SMARCD3: variants seen among roughly 807,000 people sequenced by gnomAD.
SMARCD3 encodes the protein SWI/SNF-related matrix-associated actin-dependent regulator of chromatin subfamily D member 3.
Under a neutral mutation model 58.0 loss-of-function variants are expected in SMARCD3, and 14 were observed. The ratio of observed to expected loss-of-function variants is 0.24; its 90% CI spans 0.16 to 0.38. The LOEUF (loss-of-function observed/expected upper bound fraction) is 0.38. Among genes scored for constraint, SMARCD3 ranks in the 10% least tolerant of loss-of-function variants. SMARCD3 has a pLI of 1.00. For missense variants in SMARCD3, 408 were observed against 636.9 expected (o/e 0.64, Z 3.87); for synonymous variants, 253 against 253.8 (o/e 1.00, Z 0.03).
rs535241045 is a variant in SMARCD3, at chr7:151,275,433, C to T, written c.-99-182G>A. Among the ~76,000 whole-genome samples, 15 of 152,174 alleles carry T rather than the reference C, an allele frequency of 9.9e-5. No individual in the cohort carries two copies. In the South Asian group the frequency reaches 2.7e-3, roughly 27 times the overall value. ...GGGGCTGGGGTGGCACAAGGCAGGG[C>T]GCAGGTGGGAGCAGTATGTGTGGGA... is the stretch of plus-strand genomic sequence containing the variant. On this transcript the variant is annotated intron_variant, in intron 1 of 13. Transcript: ENST00000356800.
chr7:151,276,827 G>GA (rs1795360205), upstream of SMARCD3: 1 of 127,782 alleles, frequency 7.8e-6, no homozygotes, highest in Non-Finnish European at 1.7e-5. Context: ...GCCTGGCAGT[G>GA]GGAGAAGGGA....
intron 2 of SMARCD3, among the ~76,000 whole-genome samples, chr7:151,265,511 C>G (rs530906802): frequency 2.0e-5 from 3 of 152,320 alleles, no homozygotes; most frequent in South Asian, 4.1e-4. Context: ...GACCCAACAC[C>G]CCCACAGCTC....
Position 151,242,543 on chromosome 7 carries a change from C to G in SMARCD3, c.517G>C (p.Glu173Gln), listed in dbSNP as rs747964769. 6.2e-6 allele frequency: 10 copies of G among 1,614,174 alleles called. No individual in the cohort carries two copies. The highest frequency in any genetic ancestry group is 8.5e-6 in the Non-Finnish European group (10 of 1,180,020). The change falls in exon 5 of 13, where the codon GAG becomes CAG. Residue 173 changes from glutamate to glutamine, a missense_variant. Glu to Gln is a conservative substitution (Grantham distance 29, BLOSUM62 2). Transcript: ENST00000262188. The surrounding 1 kb of genome is among the most constrained non-coding windows in gnomAD (Gnocchi z 4.7). ...GAGGCAATGCTGCCGTCGGAATCCT[C>G]AGCATCAGGCTTCGCAGGGTTAAAA... ...NTFNPAKPDA[E>Q]DSDGSIASWE...
chr7:151,244,771 C>A (rs1437092949), intron 2 of SMARCD3, among the ~76,000 whole-genome samples: 1 of 152,036 alleles, frequency 6.6e-6, no homozygotes, highest in Non-Finnish European at 1.5e-5. Flanking sequence ...ATCTGTTGTG[C>A]AAAAAAAGCA....
At chr7:151,263,143 G>C (rs1803970565) in intron 2 of SMARCD3, among the ~76,000 whole-genome samples, 1 of 152,218 alleles carries the variant, frequency 6.6e-6, no homozygotes, top group African/African-American at 2.4e-5. Context: ...AGTAGGGGTA[G>C]AGCTGGGATT....
rs147089974 is a variant in SMARCD3, at chr7:151,246,343, G to A, written c.79-672C>T. Among the ~76,000 whole-genome samples the A allele has an allele frequency of 2.8e-4, 43 of 152,230 alleles. No individual in the cohort carries two copies. In the East Asian group the frequency reaches 3.7e-3, roughly 13 times the overall value. ...TTGGGTCCCAAACCCCACTCCCCTC[G>A]GCTGACTCCAAGTCCCCACATCCAG... On this transcript the variant is annotated intron_variant, in intron 1 of 12. Transcript: ENST00000262188. The surrounding 1 kb of genome is among the most constrained non-coding windows in gnomAD (Gnocchi z 4.4).
chr7:151,264,124 C>A (rs986932038), intron 2 of SMARCD3, among the ~76,000 whole-genome samples: 13 of 149,200 alleles, frequency 8.7e-5, no homozygotes, highest in Non-Finnish European at 1.3e-4. Flanking sequence ...AGTGGCGTGA[C>A]CTTGGCTCAC....
upstream of SMARCD3, among the ~76,000 whole-genome samples, chr7:151,250,992 A>T (rs73169672): frequency 0.076 from 11,591 of 152,264 alleles, 588 homozygotes; most frequent in Non-Finnish European, 0.11. Context: ...GGGGTTGGAG[A>T]TAGACACCCC....
upstream of SMARCD3, among the ~76,000 whole-genome samples, chr7:151,251,482 G>A (rs1456664728): frequency 6.6e-6 from 1 of 152,188 alleles, no homozygotes. Context: ...GGCGACAGGA[G>A]GAGCCTTCAG....
At position 151,242,919 on chromosome 7, in the gene SMARCD3, A is replaced by C. The variant is rs1803071968; in HGVS notation, c.334-76T>G. The C allele has an allele frequency of 6.4e-7, 1 of 1,555,518 alleles. No homozygotes were observed. The highest frequency in any genetic ancestry group is 1.4e-5 in the African/African-American group (1 of 73,026). ...ACCATGGAATGTATGCATGTTGTGC[A>C]ATCCTAGGGTACAAAAGATGTCAGG... is the stretch of plus-strand genomic sequence containing the variant. On this transcript the variant is annotated intron_variant, in intron 3 of 12. Coordinates refer to ENST00000262188, the MANE Select transcript of SMARCD3 (RefSeq NM_001003801.2). This position sits in a 1 kb window ranked among gnomAD's most constrained non-coding sequence, Gnocchi z 4.7.
At chr7:151,265,019 C>A (rs181409353) in intron 2 of SMARCD3, among the ~76,000 whole-genome samples, 45 of 152,294 alleles carry the variant, frequency 3.0e-4, no homozygotes, top group Middle Eastern at 3.4e-3. Context: ...TGCCTGTCAG[C>A]TCCCTGAGGC....
chr7:151,260,671 AC>A (rs1803888667), intron 2 of SMARCD3, among the ~76,000 whole-genome samples: 1 of 152,128 alleles, frequency 6.6e-6, no homozygotes, highest in Non-Finnish European at 1.5e-5. Context: ...ACATGTCGTT[AC>A]CCCGACATAG....
chr7:151,248,374 C>T lies in SMARCD3; in HGVS notation c.78+111G>A. ...GGCCGGGCCGTGGGCCATGACGCCC[C>T]CCACTAGAGGGGTGGGAGAGCGGGA... On this transcript the variant is annotated intron_variant, in intron 1 of 12. Transcript: ENST00000262188. The surrounding 1 kb of genome is among the most constrained non-coding windows in gnomAD (Gnocchi z 6.1). 1.1e-6 allele frequency: 1 copy of T among 924,312 alleles called. No individual in the cohort carries two copies. The highest frequency in any genetic ancestry group is 1.7e-5 in the African/African-American group (1 of 60,102). 57.3% of individuals were successfully genotyped at this position (924,312 alleles called of 1,614,324 possible). A position where few individuals can be genotyped will look rare whatever the true frequency, so the allele number is the denominator to read the frequency against.
rs781738901 is a variant in SMARCD3, at chr7:151,240,218, G to A, written c.1067C>T (p.Ala356Val). Reference sequence around the variant, plus strand: ...CACCTCCACGTCAATGTCATAGCACGCCGTCTTCTTCTGGTCTGAAGGGTC... The same window carrying A: ...CACCTCCACGTCAATGTCATAGCACACCGTCTTCTTCTGGTCTGAAGGGTC... Reference protein sequence around the residue: ...SVDPSDQKKTACYDIDVEVEE... With the variant: ...SVDPSDQKKTVCYDIDVEVEE... Residue 356 changes from alanine (A) to valine (V), a missense_variant, in exon 10 of 13, where the codon GCG becomes GTG. Ala to Val is a moderately conservative substitution (Grantham distance 64, BLOSUM62 0). This residue lies in a region of SMARCD3 where 115 missense variants were observed against 257.2 expected (regional missense o/e 0.45). Transcript: ENST00000262188. 3.1e-6 allele frequency: 5 copies of A among 1,614,090 alleles called. No individual in the cohort carries two copies. Among genetic ancestry groups the A allele is most frequent in the Admixed American group, 1.7e-5 (1 of 60,004 alleles).
In SMARCD3 at chr7:151,246,837, T is replaced by G. The variant is rs1803289331; in HGVS notation, c.79-1166A>C. Among the ~76,000 whole-genome samples, 1 of 151,754 alleles carries G rather than the reference T, an allele frequency of 6.6e-6. No homozygotes were observed. Among genetic ancestry groups the G allele is most frequent in the African/African-American group, 2.4e-5 (1 of 41,262 alleles). ...GTGAAACAGAAAGAGCGGGGTGGGA[T>G]GGGGACTGGGACCACGAAAGCAGGA... On this transcript the variant is annotated intron_variant, in intron 1 of 12. Transcript: ENST00000262188. The surrounding 1 kb of genome is among the most constrained non-coding windows in gnomAD (Gnocchi z 4.4).
At chr7:151,252,420 A>AGTGTGT (rs544394645), upstream of SMARCD3, among the ~76,000 whole-genome samples, 2,436 of 134,976 alleles carry the variant, frequency 0.018, 36 homozygotes, top group African/African-American at 0.046. Flanking sequence ...GGCCTGAGTG[A>AGTGTGT]GTGTGTGTGT....
Position 151,242,454 on chromosome 7 carries a change from C to T in SMARCD3, c.579+27G>A. 6.2e-7 allele frequency: 1 copy of T among 1,609,830 alleles called. No homozygotes were observed. Among genetic ancestry groups the T allele is most frequent in the Non-Finnish European group, 8.5e-7 (1 of 1,178,890 alleles). On this transcript the variant is annotated intron_variant, in intron 5 of 12. Coordinates refer to ENST00000262188, the MANE Select transcript of SMARCD3 (RefSeq NM_001003801.2). The surrounding 1 kb of genome is among the most constrained non-coding windows in gnomAD (Gnocchi z 4.7). ...TGCAGCCCATGCCCACCCCAGGACA[C>T]CTGGAGAGACCTGGGCCGGGACGTA...
intron 2 of SMARCD3, among the ~76,000 whole-genome samples, chr7:151,270,324 G>A (rs1795137789): frequency 6.6e-6 from 1 of 152,220 alleles, no homozygotes; most frequent in Non-Finnish European, 1.5e-5. Flanking sequence ...TCGTGGTGGT[G>A]TAGAGAGGGT....
rs967945634 is a variant in SMARCD3, at chr7:151,245,720, C to T, written c.79-49G>A. On this transcript the variant is annotated intron_variant, in intron 1 of 12. Coordinates refer to ENST00000262188, the MANE Select transcript of SMARCD3 (RefSeq NM_001003801.2). This position sits in a 1 kb window ranked among gnomAD's most constrained non-coding sequence, Gnocchi z 6.2. ...AGAAACGGGCGCCCGTGGGTCAGAC[C>T]AGGGCCCCCCGCTCCAGGCGCGGTG... 2.5e-4 allele frequency: 113 copies of T among 447,892 alleles called. No homozygotes were observed. The highest frequency in any genetic ancestry group is 2.2e-3 in the African/African-American group (110 of 49,502). 27.7% of individuals were successfully genotyped at this position (447,892 alleles called of 1,614,324 possible).
Sources: gnomAD v4.1 joint callset for allele counts (sites outside exome capture counted in the v4.1 genomes callset) on GRCh38, gnomAD v4.1.1 for gene constraint, gnomAD v4.1.1 regional missense constraint, Gnocchi (gnomAD v3.1) non-coding constraint, MANE v1.5 for transcripts, NCBI Gene and HGNC (gene_info 2026-07-23, HGNC 2026-07-21) for gene names.